ARMC9: variants seen among roughly 807,000 people sequenced by gnomAD.
ARMC9 encodes lisH domain-containing protein ARMC9.
Under a neutral mutation model 107.0 loss-of-function variants are expected in ARMC9, and 94 were observed. The observed-to-expected ratio is 0.88, with a 90% CI of 0.74 to 1.04. ARMC9 has a LOEUF of 1.04. Among genes scored for constraint, ARMC9 ranks in the 50% least tolerant of loss-of-function variants. ARMC9 has a pLI of 0.00. For missense variants in ARMC9, 942 were observed against 1,030.1 expected (o/e 0.91, Z 1.17); for synonymous variants, 380 against 396.9 (o/e 0.96, Z 0.51).
intron 22 of ARMC9, among the ~76,000 whole-genome samples, chr2:231,359,767 C>T (rs2045493058): frequency 6.6e-6 from 1 of 152,206 alleles, no homozygotes; most frequent in Non-Finnish European, 1.5e-5. Flanking sequence ...TTTCTAGACC[C>T]AGATCCAGGT....
intron 19 of ARMC9, among the ~76,000 whole-genome samples, chr2:231,318,411 G>T (rs1228442381): frequency 3.9e-5 from 6 of 152,186 alleles, no homozygotes; most frequent in African/African-American, 1.4e-4. Flanking sequence ...TTCCCACACT[G>T]TTAGCTTCCT....
At chr2:231,338,895 T>G (rs1221872066) in intron 20 of ARMC9, among the ~76,000 whole-genome samples, 1 of 152,142 alleles carries the variant, frequency 6.6e-6, no homozygotes, top group East Asian at 1.9e-4. Context: ...GTTTTTAATG[T>G]TTTCTACCGA....
rs116052307 is a variant in ARMC9, at chr2:231,210,879, C to G, written c.177+2627C>G. Among the ~76,000 whole-genome samples, 906 of 152,264 alleles carry G rather than the reference C, an allele frequency of 6.0e-3. 9 individuals carry two copies. The highest frequency in any genetic ancestry group is 0.021 in the African/African-American group (876 of 41,536). Reference sequence around the variant, plus strand: ...CTCTAGAATTTTTCATCTTACAAACCTGAAACTCTGTCCCCATTTAACAAC... The same window carrying G: ...CTCTAGAATTTTTCATCTTACAAACGTGAAACTCTGTCCCCATTTAACAAC... On this transcript the variant is annotated intron_variant, in intron 3 of 24. Coordinates refer to ENST00000611582, the MANE Select transcript of ARMC9 (RefSeq NM_001352754.2).
At chr2:231,242,607 C>T (rs1421521864) in intron 9 of ARMC9, among the ~76,000 whole-genome samples, 3 of 152,114 alleles carry the variant, frequency 2.0e-5, no homozygotes, top group Non-Finnish European at 1.5e-5. Flanking sequence ...GCAGAGTGTG[C>T]TTACCAAAAC....
intron 20 of ARMC9, among the ~76,000 whole-genome samples, chr2:231,344,132 C>T (rs1317093608): frequency 2.0e-5 from 3 of 152,232 alleles, no homozygotes; most frequent in East Asian, 1.9e-4. Flanking sequence ...GTTTATCTTA[C>T]GCTTTCCATG....
chr2:231,232,473 C>T (rs1231666636), intron 7 of ARMC9, among the ~76,000 whole-genome samples: 53 of 148,120 alleles, frequency 3.6e-4, no homozygotes, highest in African/African-American at 1.2e-3. Context: ...TTTTTTGAGA[C>T]GGAGTTTCGC....
In ARMC9 at chr2:231,255,343, T is replaced by C. The variant is rs2037678215; in HGVS notation, c.880-1243T>C. ...ATGTTTTTTAAACACGTGTAGAAAA[T>C]GTTTGACTTGGTACAAAGTGCACAT... On this transcript the variant is annotated intron_variant, in intron 9 of 24. Transcript: ENST00000611582. This position sits in a 1 kb window ranked among gnomAD's most constrained non-coding sequence, Gnocchi z 4.7. Among the ~76,000 whole-genome samples, 1 of 152,090 alleles carries C rather than the reference T, an allele frequency of 6.6e-6. No individual in the cohort carries two copies. The highest frequency in any genetic ancestry group is 2.4e-5 in the African/African-American group (1 of 41,410).
In ARMC9 at chr2:231,216,667, C is replaced by T. The variant is rs1326234505; in HGVS notation, c.378C>T (p.Ser126=). The T allele has an allele frequency of 6.2e-7, 1 of 1,613,590 alleles. No homozygotes were observed. Among genetic ancestry groups the T allele is most frequent in the Non-Finnish European group, 8.5e-7 (1 of 1,179,822 alleles). Residue 126 remains serine (S), a synonymous_variant, in exon 5 of 25, where the codon TCC becomes TCT. Coordinates refer to ENST00000611582, the MANE Select transcript of ARMC9 (RefSeq NM_001352754.2). The part of the protein sequence containing the change: ...PDKEELDEKI[S]YFKTYLETKG... ...AAGAGGAGCTGGATGAAAAGATTTCCTACTTCAAAACCTACCTGGAGACCA... is the reference window on the plus strand; with the variant it reads ...AAGAGGAGCTGGATGAAAAGATTTCTTACTTCAAAACCTACCTGGAGACCA...
chr2:231,273,119 C>G, intron 14 of ARMC9, 41 bp downstream of exon 14: 5 of 1,584,062 alleles, frequency 3.2e-6, no homozygotes, highest in Non-Finnish European at 4.3e-6. Context: ...CCTGTGAGAT[C>G]AGATTGAGTT....
In ARMC9 at chr2:231,257,698, T is replaced by C. The variant is rs149955131; in HGVS notation, c.914+1078T>C. 4.2e-3 allele frequency among the ~76,000 whole-genome samples: 634 copies of C among 152,300 alleles called. 9 individuals carry two copies. Among genetic ancestry groups the C allele is most frequent in the African/African-American group, 0.014 (561 of 41,546 alleles). On this transcript the variant is annotated intron_variant, in intron 10 of 24. Coordinates refer to ENST00000611582, the MANE Select transcript of ARMC9 (RefSeq NM_001352754.2). ...CTCACTTACAAAATGAGGAGAATCA[T>C]AGTAATTCTATTATAGGATTATTGT...
chr2:231,266,368 G>A (rs573052786), intron 12 of ARMC9, among the ~76,000 whole-genome samples: 1 of 152,314 alleles, frequency 6.6e-6, no homozygotes, highest in African/African-American at 2.4e-5. Context: ...CTTGAATGGA[G>A]CCAAATTTAA....
chr2:231,305,445 G>A (rs185637041), intron 19 of ARMC9, among the ~76,000 whole-genome samples: 1 of 152,358 alleles, frequency 6.6e-6, no homozygotes, highest in Admixed American at 6.5e-5. Flanking sequence ...TTTGTGATTA[G>A]TGACTGTTGA....
chr2:231,312,564 T>G lies in ARMC9; in HGVS notation c.1773+16311T>G, dbSNP rs184597519. ...CGAACAAACCGTTTGAAGATAGTCT[T>G]TGTGTGCAAAACAGCCTTTTACAGT... On this transcript the variant is annotated intron_variant, in intron 19 of 24. Coordinates refer to ENST00000611582, the MANE Select transcript of ARMC9 (RefSeq NM_001352754.2). Among the ~76,000 whole-genome samples the G allele has an allele frequency of 2.2e-4, 34 of 152,294 alleles. No homozygotes were observed. The East Asian group carries it at 6.2e-3, about 28-fold the overall frequency.
intron 7 of ARMC9, among the ~76,000 whole-genome samples, chr2:231,228,670 T>C (rs1208437717): frequency 6.6e-6 from 1 of 152,196 alleles, no homozygotes; most frequent in Non-Finnish European, 1.5e-5. Flanking sequence ...TACATTCCTC[T>C]TCTTGATGGG....
intron 1 of ARMC9, among the ~76,000 whole-genome samples, chr2:231,205,792 A>G (rs976978196): frequency 6.6e-6 from 1 of 152,160 alleles, no homozygotes; most frequent in Admixed American, 6.5e-5. Flanking sequence ...ATGCAGTGGG[A>G]GGATCTATTC....
At chr2:231,229,562 A>T (rs991872227) in intron 7 of ARMC9, among the ~76,000 whole-genome samples, 1 of 152,208 alleles carries the variant, frequency 6.6e-6, no homozygotes, top group African/African-American at 2.4e-5. Context: ...ATCTTTTGGC[A>T]TTTCTAGCAT....
At chr2:231,210,521 T>G (rs1471436717) in intron 3 of ARMC9, among the ~76,000 whole-genome samples, 1 of 152,218 alleles carries the variant, frequency 6.6e-6, no homozygotes, top group Admixed American at 6.5e-5. Context: ...GAGAGGAATA[T>G]AGCAAATCCT....
intron 12 of ARMC9, among the ~76,000 whole-genome samples, chr2:231,266,908 T>TGTG (rs1293958562): frequency 6.6e-6 from 1 of 152,238 alleles, no homozygotes; most frequent in Non-Finnish European, 1.5e-5. Flanking sequence ...TCCTGACTGT[T>TGTG]GTGTTAATCC....
At chr2:231,303,081 A>C (rs567997088) in intron 19 of ARMC9, among the ~76,000 whole-genome samples, 1 of 152,340 alleles carries the variant, frequency 6.6e-6, no homozygotes, top group South Asian at 2.1e-4. Context: ...CATTTTGTTA[A>C]TTTGATTTTC....
Sources: gnomAD v4.1 joint callset for allele counts (sites outside exome capture counted in the v4.1 genomes callset) on GRCh38, gnomAD v4.1.1 for gene constraint, Gnocchi (gnomAD v3.1) non-coding constraint, MANE v1.5 for transcripts, NCBI Gene and HGNC (gene_info 2026-07-23, HGNC 2026-07-21) for gene names.